SON: variants seen among roughly 807,000 people sequenced by gnomAD.
SON encodes SON DNA and RNA binding protein, also known as protein SON.
A neutral mutation model predicts 173.3 loss-of-function variants in SON; 4 were observed. That is an observed-to-expected ratio of 0.02 (90% CI 0.01 to 0.05). The LOEUF (loss-of-function observed/expected upper bound fraction) is 0.05, where lower values mean the gene tolerates loss of function less well. Among genes scored for constraint, SON ranks in the 10% least tolerant of loss-of-function variants. The pLI is 1.00. For synonymous variants in SON, 1,190 were observed against 1,105.9 expected (o/e 1.08, Z -1.51); for missense variants, 2,626 against 3,055.3 (o/e 0.86, Z 3.31).
At position 33,550,177 on chromosome 21, in the gene SON, G is replaced by T; in HGVS notation, c.946G>T (p.Val316Leu). 1 of 1,614,214 alleles carries T rather than the reference G, an allele frequency of 6.2e-7. No individual in the cohort carries two copies. The highest frequency in any genetic ancestry group is 8.5e-7 in the Non-Finnish European group (1 of 1,180,040). The stretch of plus-strand genomic sequence containing the variant: ...GGTATCATCAGAGACACCTACTGAG[G>T]TGTACCCTGAGCCAAGCACATCAAC... ...LVVSSETPTE[V>L]YPEPSTSTTM... The change falls in exon 3 of 12, where the codon GTG (valine) becomes TTG (leucine). Residue 316 changes from valine (V) to leucine (L), a missense_variant. Around this residue, in one of 13 missense-constraint regions of SON, gnomAD observed 757 missense variants for 730.1 expected, o/e 1.04. Coordinates refer to ENST00000356577, the MANE Select transcript of SON (RefSeq NM_138927.4).
intron 3 of SON, among the ~76,000 whole-genome samples, chr21:33,555,952 A>G (rs1042291235): frequency 2.0e-5 from 3 of 152,210 alleles, no homozygotes; most frequent in African/African-American, 7.2e-5. Context: ...AATATTTTAG[A>G]TCAGTGTGAT....
At chr21:33,565,686 G>A (rs939630694) in intron 6 of SON, among the ~76,000 whole-genome samples, 3 of 152,094 alleles carry the variant, frequency 2.0e-5, no homozygotes, top group East Asian at 1.9e-4. Flanking sequence ...TCAACTTAGC[G>A]AAATTACAGT....
Position 33,553,010 on chromosome 21 carries a change from C to T in SON, c.3779C>T (p.Thr1260Met), listed in dbSNP as rs925368391. 7 of 1,614,126 alleles carry T rather than the reference C, an allele frequency of 4.3e-6. No homozygotes were observed. The highest frequency in any genetic ancestry group is 1.6e-4 in the Middle Eastern group (1 of 6,062). ...CCACCAGAGCCAGAATCTTCAATTA[C>T]GTTAACACCTGTAGAGTCTGCAGTA... Reference protein sequence around the residue: ...EPPPEPESSITLTPVESAVVA... With the variant: ...EPPPEPESSIMLTPVESAVVA... Residue 1260 changes from threonine to methionine, a missense_variant, in exon 3 of 12, where the codon ACG becomes ATG. Around this residue, in one of 13 missense-constraint regions of SON, gnomAD observed 1,006 missense variants for 895.6 expected, o/e 1.12. Coordinates refer to ENST00000356577, the MANE Select transcript of SON (RefSeq NM_138927.4).
chr21:33,551,304 G>A lies in SON; in HGVS notation c.2073G>A (p.Leu691=), dbSNP rs918585683. 6.2e-7 allele frequency: 1 copy of A among 1,614,118 alleles called. No individual in the cohort carries two copies. The highest frequency in any genetic ancestry group is 1.3e-5 in the African/African-American group (1 of 75,016). The change falls in exon 3 of 12, where the codon CTG becomes CTA. Residue 691 remains leucine (L), a synonymous_variant. Transcript: ENST00000356577. ...CCTATAATACGGTAGCACAGGAGCTGCCTACTACATTAGTGGGGGAGACTT... is the reference window on the plus strand; with the variant it reads ...CCTATAATACGGTAGCACAGGAGCTACCTACTACATTAGTGGGGGAGACTT... ...LESYNTVAQE[L]PTTLVGETSV... is the part of the protein sequence containing the mutation.
Position 33,550,512 on chromosome 21 carries a change from G to A in SON, c.1281G>A (p.Leu427=). ...PGPLSTPVPE[L]PGPPATAVPE... ...CCCTTTCTACCCCAGTGCCTGAGTT[G>A]CCAGGGCCCCCTGCGACAGCAGTGC... is the stretch of plus-strand genomic sequence containing the variant. Residue 427 remains leucine (L), a synonymous_variant, in exon 3 of 12, where the codon TTG becomes TTA. Coordinates refer to ENST00000356577, the MANE Select transcript of SON (RefSeq NM_138927.4). The A allele has an allele frequency of 6.2e-7, 1 of 1,613,952 alleles. No homozygotes were observed. Among genetic ancestry groups the A allele is most frequent in the Non-Finnish European group, 8.5e-7 (1 of 1,179,926 alleles).
At chr21:33,570,613 A>C (rs190914447) in intron 8 of SON, among the ~76,000 whole-genome samples, 1 of 152,320 alleles carries the variant, frequency 6.6e-6, no homozygotes, top group Non-Finnish European at 1.5e-5. Flanking sequence ...TATAGTTACT[A>C]TGAAAGTGAT....
chr21:33,573,255 C>T (rs2086327335), intron 8 of SON, 53 bp from the exon 9 acceptor site: 2 of 1,442,244 alleles, frequency 1.4e-6, no homozygotes, highest in Non-Finnish European at 1.9e-6. Flanking sequence ...ATGAATCTGT[C>T]ACCAAGTTCT....
chr21:33,571,706 T>G (rs1601296870), intron 8 of SON: 1 of 152,738 alleles, frequency 6.5e-6, no homozygotes, highest in African/African-American at 2.4e-5. Context: ...ACCTGGGTTA[T>G]TTGGGGATTT....
chr21:33,568,855 T>C, intron 7 of SON, 116 bp from the exon 8 acceptor site: 1 of 619,730 alleles, frequency 1.6e-6, no homozygotes, highest in Non-Finnish European at 2.9e-6. Context: ...ATGTTAAATA[T>C]GTTTTAAAAG....
chr21:33,543,384 C>T (rs764931384), intron 1 of SON: 5 of 597,000 alleles, frequency 8.4e-6, no homozygotes, highest in East Asian at 2.8e-5. Context: ...CCGAGGTAAC[C>T]CAAGACTCCC....
At position 33,543,234 on chromosome 21, in the gene SON, C is replaced by T. The variant is rs919473607; in HGVS notation, c.77+65C>T. 32 of 1,397,254 alleles carry T rather than the reference C, an allele frequency of 2.3e-5. No homozygotes were observed. In the African/African-American group the frequency reaches 2.7e-4, roughly 12 times the overall value. The allele number at this position is 1,397,254 out of a possible 1,614,324, so 86.6% of individuals were successfully genotyped here. On this transcript the variant is annotated intron_variant, in intron 1 of 11. Transcript: ENST00000356577. ...TAGGCCCTCACCTAGCCTTCTTTGG[C>T]ACCTTTCTTCGGAGACGCAGTCGTT...
At chr21:33,556,315 G>C (rs932731343) in intron 3 of SON, among the ~76,000 whole-genome samples, 1 of 152,146 alleles carries the variant, frequency 6.6e-6, no homozygotes, top group African/African-American at 2.4e-5. Flanking sequence ...AAAAAGGACA[G>C]AATGTGATTA....
chr21:33,543,653 G>A (rs1395188871), intron 1 of SON, among the ~76,000 whole-genome samples: 3 of 152,232 alleles, frequency 2.0e-5, no homozygotes, highest in African/African-American at 7.2e-5. Flanking sequence ...AGACCGCTTG[G>A]GGGTCTGGAT....
At chr21:33,563,259 A>T (rs2086102554) in intron 6 of SON, among the ~76,000 whole-genome samples, 1 of 152,164 alleles carries the variant, frequency 6.6e-6, no homozygotes, top group South Asian at 2.1e-4. Flanking sequence ...TACTTCATTT[A>T]GTCTATTATA....
At chr21:33,575,527 T>G (rs1301491556) in intron 9 of SON, 69 bp from the exon 10 acceptor site, 6 of 1,129,092 alleles carry the variant, frequency 5.3e-6, no homozygotes, top group Non-Finnish European at 7.7e-6. Context: ...AGGTTCAGAC[T>G]CCTACAGAGG....
At position 33,551,236 on chromosome 21, in the gene SON, G is replaced by A; in HGVS notation, c.2005G>A (p.Val669Met). 6.8e-6 allele frequency: 11 copies of A among 1,614,044 alleles called. No individual in the cohort carries two copies. The highest frequency in any genetic ancestry group is 9.3e-6 in the Non-Finnish European group (11 of 1,179,978). The change falls in exon 3 of 12, where the codon GTG becomes ATG. Residue 669 changes from valine to methionine, a missense_variant. Val to Met is a conservative substitution (Grantham distance 21). Transcript: ENST00000356577. ...VTTSELSTMT[V>M]SQSLEVPSTT... ...AACATCGGAGCTGTCAACGATGACC[G>A]TGTCGCAGTCCCTGGAGGTGCCCTC...
At position 33,551,626 on chromosome 21, in the gene SON, A is replaced by G. The variant is rs550069949; in HGVS notation, c.2395A>G (p.Ser799Gly). Residue 799 changes from serine to glycine, a missense_variant, in exon 3 of 12, where the codon AGT (serine) becomes GGT (glycine). Transcript: ENST00000356577. ...STMDSQMLAT[S>G]SMDSQMLATS... ...TATGGACTCCCAGATGTTAGCAACC[A>G]GTTCCATGGACTCCCAGATGTTAGC... The G allele has an allele frequency of 2.7e-5, 44 of 1,611,586 alleles. 1 individual carries two copies. In the East Asian group the frequency reaches 9.6e-4, roughly 35 times the overall value.
At position 33,569,783 on chromosome 21, in the gene SON, G is replaced by A. The variant is rs185895420; in HGVS notation, c.6885+696G>A. 1.8e-4 allele frequency: 49 copies of A among 275,424 alleles called. No individual in the cohort carries two copies. In the East Asian group the frequency reaches 7.0e-3, roughly 39 times the overall value. 17.1% of individuals were successfully genotyped at this position (275,424 alleles called of 1,614,324 possible). ...GGGTGGGCTGTGGTGAAGGGGATGG[G>A]ATGGAGATTAATCTGTGGACCACCA... is the stretch of plus-strand genomic sequence containing the variant. On this transcript the variant is annotated intron_variant, in intron 8 of 11. Coordinates refer to ENST00000356577, the MANE Select transcript of SON (RefSeq NM_138927.4).
rs774819797 is a variant in SON, at chr21:33,552,757, C to G, written c.3526C>G (p.Pro1176Ala). 6.2e-7 allele frequency: 1 copy of G among 1,613,942 alleles called. No homozygotes were observed. The highest frequency in any genetic ancestry group is 2.2e-5 in the East Asian group (1 of 44,890). Residue 1176 changes from proline (P) to alanine (A), a missense_variant, in exon 3 of 12, where the codon CCA becomes GCA. Physicochemically the swap from Pro to Ala is conservative, Grantham distance 27. Coordinates refer to ENST00000356577, the MANE Select transcript of SON (RefSeq NM_138927.4). The surrounding 1 kb of genome is among the most constrained non-coding windows in gnomAD (Gnocchi z 5.6). ...PMTPPLPPEEPPEGPALPTEQ... is the reference protein window; with the variant it reads ...PMTPPLPPEEAPEGPALPTEQ... ...GACACCACCATTGCCTCCTGAGGAACCACCAGAGGGTCCAGCATTGCCCAC... is the reference window on the plus strand; with the variant it reads ...GACACCACCATTGCCTCCTGAGGAAGCACCAGAGGGTCCAGCATTGCCCAC...
Sources: allele counts gnomAD v4.1 joint callset (sites outside exome capture counted in the v4.1 genomes callset), GRCh38; gene constraint gnomAD v4.1.1; regional missense constraint gnomAD v4.1.1; non-coding constraint Gnocchi (gnomAD v3.1); transcripts MANE v1.5; gene names NCBI Gene and HGNC (gene_info 2026-07-23, HGNC 2026-07-21).